Variants in LEF1 observed in about 807,000 individuals in gnomAD.
LEF1 encodes lymphoid enhancer binding factor 1.
A neutral mutation model predicts 51.2 loss-of-function variants in LEF1; 14 were observed. The ratio of observed to expected loss-of-function variants is 0.27; its 90% confidence interval spans 0.18 to 0.43. The LOEUF is 0.43. Ranked by LOEUF, LEF1 falls within the 20% of genes least tolerant of loss-of-function variation. The probability of loss-of-function intolerance (pLI) is 1.00; values close to 1 mark genes in which losing one functional copy is unlikely to be tolerated. For missense variants in LEF1, 386 were observed against 512.0 expected (o/e 0.75, Z 2.37); for synonymous variants, 185 against 183.2 (o/e 1.01, Z -0.08).
chr4:108,048,714 C>G lies in LEF1; in HGVS notation c.*44G>C. On this transcript the variant is annotated 3_prime_UTR_variant, in exon 12 of 12. Coordinates refer to ENST00000265165, the MANE Select transcript of LEF1 (RefSeq NM_016269.5). The stretch of plus-strand genomic sequence containing the variant: ...CCAGAAGAGGTCCTGGGGTCGCTGC[C>G]TTGGCTTTGCACGTTGGGAATGAGC... The G allele has an allele frequency of 1.2e-6, 2 of 1,610,102 alleles. No individual in the cohort carries two copies. The highest frequency in any genetic ancestry group is 1.7e-6 in the Non-Finnish European group (2 of 1,177,890).
At chr4:108,108,964 T>G (rs866732758) in intron 3 of LEF1, among the ~76,000 whole-genome samples, 1 of 152,188 alleles carries the variant, frequency 6.6e-6, no homozygotes, top group Non-Finnish European at 1.5e-5. Flanking sequence ...AGACCAAGGA[T>G]CAAATTCAAT....
chr4:108,166,579 A>C, intron 1 of LEF1: 2 of 1,157,740 alleles, frequency 1.7e-6, no homozygotes, highest in South Asian at 2.7e-5. Flanking sequence ...CTAGGCTTCA[A>C]ACAGCCCTCC....
chr4:108,074,606 C>G (rs1047940148), intron 8 of LEF1, among the ~76,000 whole-genome samples: 1 of 152,176 alleles, frequency 6.6e-6, no homozygotes, highest in Non-Finnish European at 1.5e-5. Flanking sequence ...TGTAAAACGT[C>G]ATGATTTTGA....
At chr4:108,130,373 T>C (rs1459095261) in intron 3 of LEF1, among the ~76,000 whole-genome samples, 2 of 152,156 alleles carry the variant, frequency 1.3e-5, no homozygotes, top group Non-Finnish European at 2.9e-5. Context: ...GCCAGTCCTA[T>C]GATGCTGCAC....
intron 11 of LEF1, among the ~76,000 whole-genome samples, chr4:108,061,048 A>G (rs1688755403): frequency 6.6e-6 from 1 of 152,166 alleles, no homozygotes; most frequent in Admixed American, 6.5e-5. Flanking sequence ...ATTCTTATCC[A>G]ATAACTGCCA....
Position 108,083,430 on chromosome 4 carries a change from A to G in LEF1, c.564T>C (p.Pro188=), listed in dbSNP as rs762930971. Reference sequence around the variant, plus strand: ...AAAAAGTAGGGATATCAGGAGCTGGAGGATGTCTGGACATGCCTGTTAAAC... The same window carrying G: ...AAAAAGTAGGGATATCAGGAGCTGGGGGATGTCTGGACATGCCTGTTAAAC... ...VNSKQGMSRH[P]PAPDIPTFYP... is the part of the protein sequence containing the mutation. The change falls in exon 5 of 12, where the codon CCT becomes CCC. Residue 188 remains proline, a synonymous_variant. Coordinates refer to ENST00000265165, the MANE Select transcript of LEF1 (RefSeq NM_016269.5). 6.2e-7 allele frequency: 1 copy of G among 1,612,928 alleles called. No homozygotes were observed. The highest frequency in any genetic ancestry group is 1.1e-5 in the South Asian group (1 of 90,956).
intron 9 of LEF1, among the ~76,000 whole-genome samples, chr4:108,069,534 G>A (rs192031987): frequency 1.3e-5 from 2 of 152,238 alleles, no homozygotes; most frequent in Admixed American, 6.5e-5. Context: ...GCTGGGGTAC[G>A]ATAACATGAA....
intron 3 of LEF1, among the ~76,000 whole-genome samples, chr4:108,143,356 G>C (rs749080013): frequency 6.6e-6 from 1 of 152,124 alleles, no homozygotes; most frequent in Non-Finnish European, 1.5e-5. Context: ...CTCAAAATCT[G>C]TATATTTTTC....
chr4:108,053,493 G>A (rs1375308837), intron 11 of LEF1, among the ~76,000 whole-genome samples: 2 of 152,264 alleles, frequency 1.3e-5, no homozygotes, highest in East Asian at 3.9e-4. Context: ...GCCACTCCTG[G>A]ATTCATGTTC....
intron 10 of LEF1, among the ~76,000 whole-genome samples, chr4:108,063,875 T>G (rs1053939286): frequency 1.3e-5 from 2 of 152,222 alleles, no homozygotes; most frequent in Non-Finnish European, 2.9e-5. Flanking sequence ...CTTGAATTAA[T>G]GTACAAGAAA....
At chr4:108,150,991 G>A (rs958348365) in intron 3 of LEF1, among the ~76,000 whole-genome samples, 2 of 152,122 alleles carry the variant, frequency 1.3e-5, no homozygotes, top group Non-Finnish European at 2.9e-5. Context: ...AGGCATTGTT[G>A]ACTTACATCA....
At position 108,048,325 on chromosome 4, in the gene LEF1, G is replaced by T. The variant is rs1391683711; in HGVS notation, c.*433C>A. On this transcript the variant is annotated 3_prime_UTR_variant, in exon 12 of 12. Transcript: ENST00000265165. The stretch of plus-strand genomic sequence containing the variant: ...CCACTGGGGTGCTGATGGATGTGCT[G>T]GTTGCTGGCTCCAGTTGCGCATGAC... 2 of 177,960 alleles carry T rather than the reference G, an allele frequency of 1.1e-5. No individual in the cohort carries two copies. Among genetic ancestry groups the T allele is most frequent in the African/African-American group, 2.4e-5 (1 of 42,512 alleles). The allele number at this position is 177,960 out of a possible 1,614,324, so 11.0% of individuals were successfully genotyped here.
At position 108,167,667 on chromosome 4, in the gene LEF1, T is replaced by C; in HGVS notation, c.101A>G (p.Lys34Arg). The C allele has an allele frequency of 6.2e-7, 1 of 1,614,246 alleles. No homozygotes were observed. Among genetic ancestry groups the C allele is most frequent in the Non-Finnish European group, 8.5e-7 (1 of 1,180,036 alleles). Reference protein sequence around the residue: ...IPFKDEGDPQKEKIFAEISHP... With the variant: ...IPFKDEGDPQREKIFAEISHP... ...ACTGATCTCGGCGAAGATCTTTTCC[T>C]TCTGAGGATCGCCCTCGTCCTTGAA... The change falls in exon 1 of 12, where the codon AAG (lysine) becomes AGG (arginine). Residue 34 changes from lysine (K) to arginine (R), a missense_variant. Lys to Arg is a conservative substitution (Grantham distance 26). Transcript: ENST00000265165. This position sits in a 1 kb window ranked among gnomAD's most constrained non-coding sequence, Gnocchi z 5.7.
intron 6 of LEF1, among the ~76,000 whole-genome samples, 159 bp from the exon 7 acceptor site, chr4:108,079,773 T>C (rs59589123): frequency 0.051 from 7,830 of 152,236 alleles, 702 homozygotes; most frequent in African/African-American, 0.18. Context: ...CCGATAATTA[T>C]TTTTTTCTTT....
chr4:108,078,439 T>TG lies in LEF1; in HGVS notation c.846-58dup, dbSNP rs775989655. On this transcript the variant is annotated intron_variant, in intron 7 of 11. Coordinates refer to ENST00000265165, the MANE Select transcript of LEF1 (RefSeq NM_016269.5). ...AGGGGTTGAAGGAATGAGGAAGGGA[T>TG]GGGGGAGGAGAAAAGCAGAGCACCT... 5 of 1,609,514 alleles carry TG rather than the reference T, an allele frequency of 3.1e-6. No homozygotes were observed. The African/African-American group carries it at 6.7e-5, about 22-fold the overall frequency.
At chr4:108,051,373 G>A (rs898746744) in intron 11 of LEF1, among the ~76,000 whole-genome samples, 1 of 152,206 alleles carries the variant, frequency 6.6e-6, no homozygotes, top group Admixed American at 6.5e-5. Context: ...CTTCCAAGTG[G>A]GAGAAACGGG....
chr4:108,129,424 G>A (rs1742730979), intron 3 of LEF1, among the ~76,000 whole-genome samples: 1 of 152,120 alleles, frequency 6.6e-6, no homozygotes, highest in Admixed American at 6.5e-5. Flanking sequence ...ACTGAATCAT[G>A]GTTTCTCTAA....
chr4:108,065,461 G>A (rs1738004905), intron 9 of LEF1, among the ~76,000 whole-genome samples: 1 of 152,122 alleles, frequency 6.6e-6, no homozygotes, highest in African/African-American at 2.4e-5. Context: ...CACAGAGTGA[G>A]CCTGGGCCAC....
chr4:108,066,618 C>T (rs1469862835), intron 9 of LEF1, among the ~76,000 whole-genome samples: 7 of 152,202 alleles, frequency 4.6e-5, no homozygotes, highest in African/African-American at 2.4e-5. Flanking sequence ...AATCAAATAA[C>T]CTGTTACCTT....
Sources: gnomAD v4.1 joint callset for allele counts (sites outside exome capture counted in the v4.1 genomes callset) on GRCh38, gnomAD v4.1.1 for gene constraint, Gnocchi (gnomAD v3.1) non-coding constraint, MANE v1.5 for transcripts, NCBI Gene and HGNC (gene_info 2026-07-23, HGNC 2026-07-21) for gene names.